AFM: variants seen among roughly 807,000 people sequenced by gnomAD.
AFM encodes alpha-Alb.
AFM carries 82 observed loss-of-function variants against 68.7 expected under a neutral mutation model. The observed-to-expected ratio is 1.19, with a 90% CI of 1.00 to 1.43. The LOEUF (loss-of-function observed/expected upper bound fraction) is 1.43. Ranked by LOEUF, AFM falls within the 40% of genes most tolerant of loss-of-function variation. The probability of loss-of-function intolerance (pLI) is 0.00; values close to 1 mark genes in which losing one functional copy is unlikely to be tolerated. For synonymous variants in AFM, 250 were observed against 234.2 expected (o/e 1.07, Z -0.61); for missense variants, 772 against 701.8 (o/e 1.10, Z -1.13).
At chr4:73,500,456 A>G (rs1230421922) in intron 12 of AFM, among the ~76,000 whole-genome samples, 2 of 152,034 alleles carry the variant, frequency 1.3e-5, no homozygotes, top group East Asian at 3.9e-4. Flanking sequence ...GTCCAAGTCT[A>G]ACATTACCTT....
intron 7 of AFM, among the ~76,000 whole-genome samples, chr4:73,491,168 A>G (rs564917279): frequency 6.6e-6 from 1 of 152,316 alleles, no homozygotes; most frequent in African/African-American, 2.4e-5. Flanking sequence ...CTAATGTGTA[A>G]ATAAGATAAC....
At position 73,491,959 on chromosome 4, in the gene AFM, G is replaced by A. The variant is rs1286770204; in HGVS notation, c.931G>A (p.Gly311Ser). The A allele has an allele frequency of 9.9e-6, 16 of 1,613,848 alleles. No individual in the cohort carries two copies. The highest frequency in any genetic ancestry group is 3.3e-5 in the South Asian group (3 of 91,044). Residue 311 changes from glycine (G) to serine (S), a missense_variant, in exon 8 of 15, where the codon GGC (glycine) becomes AGC (serine). Coordinates refer to ENST00000226355, the MANE Select transcript of AFM (RefSeq NM_001133.2). ...ECCEKKIPER[G>S]QCIINSNKDD... ...CTGTGAAAAGAAAATACCAGAGCGC[G>A]GCCAGTGCATAATTAACTCAAACAA...
At chr4:73,484,123 A>G in intron 2 of AFM, 134 bp downstream of exon 2, 1 of 1,401,286 alleles carries the variant, frequency 7.1e-7, no homozygotes, top group Non-Finnish European at 9.5e-7. Context: ...AAATTCAGGC[A>G]AAGAAGTTGT....
intron 5 of AFM, 63 bp downstream of exon 5, chr4:73,487,162 C>T (rs1240649184): frequency 6.4e-7 from 1 of 1,559,574 alleles, no homozygotes; most frequent in Non-Finnish European, 8.8e-7. Flanking sequence ...GATCCAGACC[C>T]TGACTTATAT....
intron 3 of AFM, 93 bp from the exon 4 acceptor site, chr4:73,485,769 T>G: frequency 1.0e-6 from 1 of 957,950 alleles, no homozygotes; most frequent in Non-Finnish European, 1.6e-6. Flanking sequence ...CTGTTGGTAA[T>G]GGTGGGAAAA....
Position 73,486,011 on chromosome 4 carries a change from T to C in AFM, c.420T>C (p.Pro140=). The C allele has an allele frequency of 6.2e-7, 1 of 1,614,110 alleles. No individual in the cohort carries two copies. The highest frequency in any genetic ancestry group is 1.6e-4 in the Middle Eastern group (1 of 6,062). Residue 140 remains proline, a synonymous_variant, in exon 4 of 15, where the codon CCT becomes CCC. Transcript: ENST00000226355. ...ATGTGGGATTTCTGCCTCCTTTCCC[T>C]ACCCTGGATCCCGAAGAGAAATGCC... ...KSDVGFLPPF[P]TLDPEEKCQA...
At chr4:73,500,507 G>A (rs1721399460) in intron 12 of AFM, among the ~76,000 whole-genome samples, 1 of 152,176 alleles carries the variant, frequency 6.6e-6, no homozygotes, top group Non-Finnish European at 1.5e-5. Flanking sequence ...TCATAGGCAG[G>A]CTGATAATGA....
Position 73,495,552 on chromosome 4 carries a change from C to G in AFM, c.1191+120C>G, listed in dbSNP as rs984462147. 5.7e-6 allele frequency: 7 copies of G among 1,236,374 alleles called. No individual in the cohort carries two copies. The African/African-American group carries it at 9.3e-5, about 16-fold the overall frequency. 76.6% of individuals were successfully genotyped at this position (1,236,374 alleles called of 1,614,324 possible). A position where few individuals can be genotyped will look rare whatever the true frequency, so the allele number is the denominator to read the frequency against. On this transcript the variant is annotated intron_variant, in intron 9 of 14. Coordinates refer to ENST00000226355, the MANE Select transcript of AFM (RefSeq NM_001133.2). ...GAAAATGTGATTGGCTAATCTGAGTCCACTGTAGATTCAGCCTAAGAAGAT... is the reference window on the plus strand; with the variant it reads ...GAAAATGTGATTGGCTAATCTGAGTGCACTGTAGATTCAGCCTAAGAAGAT...
intron 8 of AFM, among the ~76,000 whole-genome samples, chr4:73,492,998 T>C (rs980800178): frequency 1.3e-5 from 2 of 152,010 alleles, no homozygotes; most frequent in Non-Finnish European, 2.9e-5. Flanking sequence ...TAGCATCCTG[T>C]TCTAGGTAAT....
At chr4:73,481,971 T>A in intron 1 of AFM, 108 bp downstream of exon 1, 1 of 776,316 alleles carries the variant, frequency 1.3e-6, no homozygotes, top group Non-Finnish European at 2.1e-6. Flanking sequence ...TTTTTCACCC[T>A]CTCACTAATT....
chr4:73,501,952 T>A, intron 13 of AFM, 33 bp downstream of exon 13: 13 of 1,603,792 alleles, frequency 8.1e-6, no homozygotes, highest in Non-Finnish European at 1.1e-5. Context: ...GAAATTCAAC[T>A]GGTTTTCCTG....
Position 73,501,833 on chromosome 4 carries a change from G to A in AFM, c.1693G>A (p.Glu565Lys). The A allele has an allele frequency of 6.2e-7, 1 of 1,613,386 alleles. No individual in the cohort carries two copies. Among genetic ancestry groups the A allele is most frequent in the Non-Finnish European group, 8.5e-7 (1 of 1,179,618 alleles). Residue 565 changes from glutamate (E) to lysine (K), a missense_variant, in exon 13 of 15, where the codon GAG becomes AAG. By Grantham distance (56) the Glu-to-Lys change is moderately conservative. Transcript: ENST00000226355. ...GCTGAAGCATGAACTCACAGATGAA[G>A]AGCTGCAGTCTTTGTTTACAAATTT... ...VKLKHELTDE[E>K]LQSLFTNFAN...
chr4:73,500,711 G>T (rs1354859868), intron 12 of AFM, among the ~76,000 whole-genome samples: 1 of 152,138 alleles, frequency 6.6e-6, no homozygotes, highest in East Asian at 1.9e-4. Context: ...CCAAATATGA[G>T]GAAATGGAGG....
chr4:73,499,398 C>T, intron 11 of AFM, 152 bp downstream of exon 11: 1 of 792,316 alleles, frequency 1.3e-6, no homozygotes, highest in Non-Finnish European at 1.8e-6. Flanking sequence ...TTTTGGCTCA[C>T]TTTGTGAAAA....
rs759815425 is a variant in AFM at position 73,483,921 on chromosome 4, T to A, written c.89-20T>A. The A allele has an allele frequency of 7.9e-5, 119 of 1,510,566 alleles. No homozygotes were observed. The highest frequency in any genetic ancestry group is 1.0e-4 in the Non-Finnish European group (115 of 1,104,936). 93.6% of individuals were successfully genotyped at this position (1,510,566 alleles called of 1,614,324 possible). A position where few individuals can be genotyped will look rare whatever the true frequency, so the allele number is the denominator to read the frequency against. On this transcript the variant is annotated intron_variant, in intron 1 of 14. Transcript: ENST00000226355. ...TAGAAAACCATGCTATGTAATAACC[T>A]AAATATTCTTGCTTTTCAGAGAACT...
rs1331740396 is a variant in AFM at position 73,485,764 on chromosome 4, G to A, written c.271-98G>A. 8 of 900,834 alleles carry A rather than the reference G, an allele frequency of 8.9e-6. No individual in the cohort carries two copies. The East Asian group carries it at 2.1e-4, about 24-fold the overall frequency. 55.8% of individuals were successfully genotyped at this position (900,834 alleles called of 1,614,324 possible). A position where few individuals can be genotyped will look rare whatever the true frequency, so the allele number is the denominator to read the frequency against. On this transcript the variant is annotated intron_variant, in intron 3 of 14. Coordinates refer to ENST00000226355, the MANE Select transcript of AFM (RefSeq NM_001133.2). ...TAGGAGAAAGAGAAGGAGCTCTGTT[G>A]GTAATGGTGGGAAAATTAGTCATTG...
At chr4:73,499,896 G>T in intron 11 of AFM, 108 bp from the exon 12 acceptor site, 1 of 883,962 alleles carries the variant, frequency 1.1e-6, no homozygotes. Flanking sequence ...TTTTATGAGT[G>T]AGGTTAACAG....
Position 73,502,482 on chromosome 4 carries a change from A to G in AFM, c.1779+563A>G, listed in dbSNP as rs547295197. ...AATGTCCCTTGCTTGCCCTCGCTCC[A>G]GTGAAGGTAGTCTGTAGCCATTTGC... On this transcript the variant is annotated intron_variant, in intron 13 of 14. Coordinates refer to ENST00000226355, the MANE Select transcript of AFM (RefSeq NM_001133.2). 6.7e-4 allele frequency among the ~76,000 whole-genome samples: 102 copies of G among 152,272 alleles called. 1 individual carries two copies. The South Asian group carries it at 0.016, about 24-fold the overall frequency.
intron 1 of AFM, 26 bp from the exon 2 acceptor site, chr4:73,483,915 A>G (rs200873818): frequency 1.3e-4 from 199 of 1,497,304 alleles, no homozygotes; most frequent in Middle Eastern, 1.7e-4. Flanking sequence ...ATGCTATGTA[A>G]TAACCTAAAT....
Sources: allele counts gnomAD v4.1 joint callset (sites outside exome capture counted in the v4.1 genomes callset), GRCh38; gene constraint gnomAD v4.1.1; transcripts MANE v1.5; gene names NCBI Gene and HGNC (gene_info 2026-07-23, HGNC 2026-07-21).